PLCB1: variants seen among roughly 807,000 people sequenced by gnomAD.
The protein encoded by PLCB1 is phospholipase C beta 1.
A neutral mutation model predicts 161.8 loss-of-function variants in PLCB1; 46 were observed. That is an observed-to-expected ratio of 0.28 (90% CI 0.22 to 0.36). The LOEUF is 0.36. Among genes scored for constraint, PLCB1 ranks in the 10% least tolerant of loss-of-function variants. PLCB1 has a pLI of 1.00. For synonymous variants in PLCB1, 517 were observed against 503.7 expected (o/e 1.03, Z -0.35); for missense variants, 1,016 against 1,472.5 (o/e 0.69, Z 5.07).
intron 2 of PLCB1, among the ~76,000 whole-genome samples, chr20:8,237,191 A>G (rs1302748497): frequency 6.6e-6 from 1 of 152,144 alleles, no homozygotes; most frequent in African/African-American, 2.4e-5. Flanking sequence ...GATCAATAGT[A>G]TAACAAATTG....
At chr20:8,720,772 G>A (rs1979582038) in intron 14 of PLCB1, among the ~76,000 whole-genome samples, 1 of 151,584 alleles carries the variant, frequency 6.6e-6, no homozygotes, top group Non-Finnish European at 1.5e-5. Context: ...GAATTGTTGG[G>A]TCCCATGAAG....
At chr20:8,168,914 G>A (rs181129272) in intron 2 of PLCB1, among the ~76,000 whole-genome samples, 1 of 152,130 alleles carries the variant, frequency 6.6e-6, no homozygotes, top group Non-Finnish European at 1.5e-5. Flanking sequence ...ATTTCAGACC[G>A]CTTCTCCTAG....
Position 8,881,888 on chromosome 20 carries a change from C to T in PLCB1, c.*39C>T. 2 of 1,307,460 alleles carry T rather than the reference C, an allele frequency of 1.5e-6. No individual in the cohort carries two copies. The highest frequency in any genetic ancestry group is 1.2e-5 in the South Asian group (1 of 84,248). 81.0% of individuals were successfully genotyped at this position (1,307,460 alleles called of 1,614,324 possible). The stretch of plus-strand genomic sequence containing the variant: ...GCCTTCAGAAATTGCATGGCCACTC[C>T]AGCGTCATCGGACTCTCTCTTATTA... On this transcript the variant is annotated 3_prime_UTR_variant, in exon 32 of 32. Coordinates refer to ENST00000338037, the MANE Select transcript of PLCB1 (RefSeq NM_015192.4).
intron 2 of PLCB1, among the ~76,000 whole-genome samples, chr20:8,151,068 A>G (rs755903315): frequency 6.6e-5 from 10 of 152,186 alleles, no homozygotes; most frequent in Non-Finnish European, 1.2e-4. Context: ...GAAAGTGGTT[A>G]TTATTTCAAG....
At chr20:8,791,738 A>G (rs901478422) in intron 31 of PLCB1, among the ~76,000 whole-genome samples, 10 of 152,148 alleles carry the variant, frequency 6.6e-5, no homozygotes, top group African/African-American at 1.9e-4. Context: ...TTTAAATTAT[A>G]TAACTCTCAG....
intron 23 of PLCB1, among the ~76,000 whole-genome samples, chr20:8,756,028 C>T (rs983172662): frequency 3.3e-5 from 5 of 152,130 alleles, no homozygotes; most frequent in African/African-American, 1.2e-4. Flanking sequence ...TCTTATCAGG[C>T]ATTTATGAGT....
intron 1 of PLCB1, among the ~76,000 whole-genome samples, chr20:8,136,266 T>G (rs6055561): frequency 1.2e-4 from 18 of 152,322 alleles, no homozygotes; most frequent in African/African-American, 4.3e-4. Flanking sequence ...GTTAAATAAA[T>G]GAATGCATAT....
chr20:8,757,303 G>C, intron 24 of PLCB1, 125 bp downstream of exon 24: 1 of 956,996 alleles, frequency 1.0e-6, no homozygotes, highest in Admixed American at 2.7e-5. Context: ...GGACTTAGGA[G>C]GAGCTCCGTC....
intron 3 of PLCB1, among the ~76,000 whole-genome samples, chr20:8,428,209 G>A (rs1009323488): frequency 1.4e-5 from 2 of 139,524 alleles, no homozygotes; most frequent in Non-Finnish European, 3.1e-5. Context: ...AACTGTAAGG[G>A]TAGTCAGGGT....
At position 8,269,368 on chromosome 20, in the gene PLCB1, C is replaced by T. The variant is rs149400296; in HGVS notation, c.178-102014C>T. On this transcript the variant is annotated intron_variant, in intron 2 of 31. Transcript: ENST00000338037. ...TTCGTTCTTGTGTTAGTTTGCTCAA[C>T]TTGATTCTCTGTATTCTCATATGCA... is the stretch of plus-strand genomic sequence containing the variant. Among the ~76,000 whole-genome samples, 64 of 152,146 alleles carry T rather than the reference C, an allele frequency of 4.2e-4. No homozygotes were observed. In the Middle Eastern group the frequency reaches 0.01, roughly 24 times the overall value.
In PLCB1 at chr20:8,697,483, G is replaced by A. The variant is rs1990608515; in HGVS notation, c.1010-143G>A. 5.2e-6 allele frequency: 4 copies of A among 766,412 alleles called. No individual in the cohort carries two copies. The South Asian group carries it at 7.2e-5, about 14-fold the overall frequency. The allele number at this position is 766,412 out of a possible 1,614,324, so 47.5% of individuals were successfully genotyped here. On this transcript the variant is annotated intron_variant, in intron 10 of 31. Transcript: ENST00000338037. ...AAATTGAGCCATTACCTTCTGGTAT[G>A]TTGAGGCAGAAGAAAGGCAAAGAAT...
chr20:8,554,336 C>T (rs954127945), intron 3 of PLCB1, among the ~76,000 whole-genome samples: 5 of 152,036 alleles, frequency 3.3e-5, no homozygotes, highest in African/African-American at 4.8e-5. Flanking sequence ...CATAAAAACC[C>T]CAAACTGGAA....
At chr20:8,776,841 A>C (rs542088582) in intron 27 of PLCB1, among the ~76,000 whole-genome samples, 1 of 152,314 alleles carries the variant, frequency 6.6e-6, no homozygotes, top group African/African-American at 2.4e-5. Flanking sequence ...TTAGGTAGTA[A>C]TAAGGGCTTA....
chr20:8,668,104 A>G (rs1025629906), intron 9 of PLCB1, among the ~76,000 whole-genome samples: 2 of 151,924 alleles, frequency 1.3e-5, no homozygotes, highest in Non-Finnish European at 2.9e-5. Flanking sequence ...AGTCAATGTG[A>G]TACAACAGAT....
chr20:8,339,761 C>T (rs961644799), intron 2 of PLCB1, among the ~76,000 whole-genome samples: 2 of 152,078 alleles, frequency 1.3e-5, no homozygotes, highest in Admixed American at 6.6e-5. Context: ...TTAACAACCC[C>T]AAGTTTCTGT....
intron 2 of PLCB1, among the ~76,000 whole-genome samples, chr20:8,296,561 G>T (rs1475863879): frequency 6.6e-6 from 1 of 152,122 alleles, no homozygotes; most frequent in East Asian, 1.9e-4. Flanking sequence ...CAGTTGTCTT[G>T]AGGTTAGGAG....
chr20:8,842,676 G>C (rs949711437), intron 31 of PLCB1, among the ~76,000 whole-genome samples: 1 of 152,118 alleles, frequency 6.6e-6, no homozygotes, highest in African/African-American at 2.4e-5. Context: ...AGCTCTAAGG[G>C]GGTATGAGTG....
At chr20:8,584,701 T>A (rs560480965) in intron 3 of PLCB1, among the ~76,000 whole-genome samples, 4 of 152,060 alleles carry the variant, frequency 2.6e-5, no homozygotes, top group Non-Finnish European at 5.9e-5. Flanking sequence ...AGATTCTCTT[T>A]TTTTTTTGAG....
rs574690363 is a variant in PLCB1 at position 8,196,460 on chromosome 20, T to C, written c.177+46089T>C. On this transcript the variant is annotated intron_variant, in intron 2 of 31. Transcript: ENST00000338037. The stretch of plus-strand genomic sequence containing the variant: ...CTTTTATCAACTAATCTGGTGTTTT[T>C]TTCTACCTCTGTAGAAATGGAAAAT... Among the ~76,000 whole-genome samples, 6 of 152,104 alleles carry C rather than the reference T, an allele frequency of 3.9e-5. No homozygotes were observed. The East Asian group carries it at 1.2e-3, about 29-fold the overall frequency.
Sources: gnomAD v4.1 joint callset for allele counts (sites outside exome capture counted in the v4.1 genomes callset) on GRCh38, gnomAD v4.1.1 for gene constraint, MANE v1.5 for transcripts, NCBI Gene and HGNC (gene_info 2026-07-23, HGNC 2026-07-21) for gene names.